Variants in GRM8 observed in about 807,000 individuals in gnomAD.
The protein encoded by GRM8 is glutamate metabotropic receptor 8.
A neutral mutation model predicts 87.2 loss-of-function variants in GRM8; 47 were observed. The ratio of observed to expected loss-of-function variants is 0.54; its 90% CI spans 0.43 to 0.69. The LOEUF (loss-of-function observed/expected upper bound fraction) is 0.69, where lower values mean the gene tolerates loss of function less well. GRM8 is among the 30% of genes least tolerant of loss of function. The pLI is 0.00. For synonymous variants in GRM8, 396 were observed against 404.5 expected, an observed-to-expected ratio of 0.98 and a Z score of 0.25; for missense variants, 1,019 against 1,139.2, an observed-to-expected ratio of 0.89 and a Z score of 1.52.
At chr7:127,111,601 C>T (rs1377609944) in intron 2 of GRM8, among the ~76,000 whole-genome samples, 1 of 152,158 alleles carries the variant, frequency 6.6e-6, no homozygotes, top group African/African-American at 2.4e-5. Flanking sequence ...AATGGTGGAG[C>T]AAAAAGCCAC....
At chr7:126,658,785 G>A (rs532549968) in intron 7 of GRM8, among the ~76,000 whole-genome samples, 14 of 151,874 alleles carry the variant, frequency 9.2e-5, no homozygotes, top group Non-Finnish European at 1.9e-4. Flanking sequence ...AATCCTCTTC[G>A]TCTTCTGCCG....
intron 9 of GRM8, among the ~76,000 whole-genome samples, chr7:126,462,754 G>A (rs947797175): frequency 3.3e-5 from 5 of 151,568 alleles, no homozygotes; most frequent in African/African-American, 1.2e-4. Context: ...TTATTGTCGT[G>A]GAGGAAATAT....
intron 6 of GRM8, among the ~76,000 whole-genome samples, chr7:126,785,701 C>T (rs948621641): frequency 1.7e-4 from 26 of 152,140 alleles, no homozygotes; most frequent in African/African-American, 5.8e-4. Context: ...CTCTACCTGT[C>T]ACCTGGAACC....
chr7:126,723,372 C>T (rs1585670404), intron 7 of GRM8, among the ~76,000 whole-genome samples: 1 of 152,038 alleles, frequency 6.6e-6, no homozygotes, highest in Non-Finnish European at 1.5e-5. Context: ...GAAGTTACTA[C>T]AGATGTAGAC....
chr7:127,122,150 G>T (rs1202286064), intron 2 of GRM8, among the ~76,000 whole-genome samples: 4 of 152,152 alleles, frequency 2.6e-5, no homozygotes, highest in Admixed American at 2.6e-4. Flanking sequence ...AAAGCACTTT[G>T]TACATAGCAG....
chr7:126,727,704 T>TACACACACACACAC (rs3038844), intron 7 of GRM8, among the ~76,000 whole-genome samples: 15 of 141,880 alleles, frequency 1.1e-4, no homozygotes, highest in African/African-American at 3.4e-4. Context: ...TCTGAAATCA[T>TACACACACACACAC]ACACACACAC....
intron 10 of GRM8, chr7:126,445,320 T>C (rs949521931): frequency 6.6e-6 from 1 of 152,068 alleles, no homozygotes; most frequent in Admixed American, 6.6e-5. Flanking sequence ...CTTCCTGGTA[T>C]TTTACCATAC....
intron 9 of GRM8, among the ~76,000 whole-genome samples, chr7:126,479,296 T>C (rs1401334430): frequency 6.6e-6 from 1 of 152,206 alleles, no homozygotes; most frequent in East Asian, 1.9e-4. Context: ...AAGTTTTTAG[T>C]ATATTCACAG....
intron 7 of GRM8, 45 bp from the exon 8 acceptor site, chr7:126,609,543 A>T (rs1474605373): frequency 6.7e-7 from 1 of 1,481,824 alleles, no homozygotes; most frequent in South Asian, 1.2e-5. Flanking sequence ...TTAGTAAGAT[A>T]GCCCACTGGG....
At chr7:126,575,738 C>A (rs1037742659) in intron 8 of GRM8, among the ~76,000 whole-genome samples, 2 of 152,122 alleles carry the variant, frequency 1.3e-5, no homozygotes, top group Non-Finnish European at 2.9e-5. Context: ...CTGTGATACT[C>A]TCGCATTTGT....
chr7:126,696,959 T>A (rs749365972), intron 7 of GRM8, among the ~76,000 whole-genome samples: 3 of 151,634 alleles, frequency 2.0e-5, no homozygotes, highest in Non-Finnish European at 2.9e-5. Context: ...AGCCAAGATA[T>A]GAAAGCAACC....
At chr7:127,102,672 C>T (rs1192093113) in intron 3 of GRM8, among the ~76,000 whole-genome samples, 6 of 152,196 alleles carry the variant, frequency 3.9e-5, no homozygotes, top group African/African-American at 1.4e-4. Flanking sequence ...TGAGGCTTGG[C>T]ACCCTCTCCC....
At chr7:126,938,956 C>CTG (rs1308708835) in intron 3 of GRM8, among the ~76,000 whole-genome samples, 2 of 152,170 alleles carry the variant, frequency 1.3e-5, no homozygotes, top group African/African-American at 4.8e-5. Flanking sequence ...TAAGCCTCAG[C>CTG]TGTCTGTGCT....
At chr7:126,874,336 C>T (rs138828639) in intron 6 of GRM8, among the ~76,000 whole-genome samples, 93 of 152,132 alleles carry the variant, frequency 6.1e-4, no homozygotes, top group African/African-American at 2.2e-3. Flanking sequence ...ATCCTAATTT[C>T]AGTCATCAAA....
At chr7:126,502,846 C>T (rs1277524824) in intron 9 of GRM8, among the ~76,000 whole-genome samples, 3 of 151,970 alleles carry the variant, frequency 2.0e-5, no homozygotes, top group Non-Finnish European at 2.9e-5. Flanking sequence ...TAAACATGAT[C>T]CACAGACATA....
intron 2 of GRM8, among the ~76,000 whole-genome samples, chr7:127,170,424 T>TA (rs1793723655): frequency 6.6e-6 from 1 of 152,186 alleles, no homozygotes; most frequent in Non-Finnish European, 1.5e-5. Flanking sequence ...CTATGGAAAA[T>TA]AATGTGGAAA....
chr7:126,619,479 G>A lies in GRM8; in HGVS notation c.1358-9981C>T, dbSNP rs149477280. Reference sequence around the variant, plus strand: ...GTATACACATGTAACAAACCTGCACGTTGTGCACATGTACCCTAGAACTTA... The same window carrying A: ...GTATACACATGTAACAAACCTGCACATTGTGCACATGTACCCTAGAACTTA... On this transcript the variant is annotated intron_variant, in intron 7 of 10. Coordinates refer to ENST00000339582, the MANE Select transcript of GRM8 (RefSeq NM_000845.3). 3.2e-4 allele frequency among the ~76,000 whole-genome samples: 49 copies of A among 151,708 alleles called. 1 individual carries two copies. The highest frequency in any genetic ancestry group is 1.0e-3 in the African/African-American group (42 of 41,322).
intron 3 of GRM8, among the ~76,000 whole-genome samples, chr7:127,101,050 A>C (rs1296126299): frequency 6.6e-6 from 1 of 151,988 alleles, no homozygotes; most frequent in Non-Finnish European, 1.5e-5. Context: ...TGTTCATTTT[A>C]CTGTCTCTTT....
At chr7:126,590,300 T>G (rs1796557006) in intron 8 of GRM8, among the ~76,000 whole-genome samples, 1 of 151,594 alleles carries the variant, frequency 6.6e-6, no homozygotes. Flanking sequence ...AAAGACAAGG[T>G]TTTTGAAATA....
Sources: allele counts gnomAD v4.1 joint callset (sites outside exome capture counted in the v4.1 genomes callset), GRCh38; gene constraint gnomAD v4.1.1; transcripts MANE v1.5; gene names NCBI Gene and HGNC (gene_info 2026-07-23, HGNC 2026-07-21).